FCHSD2: variants seen among roughly 807,000 people sequenced by gnomAD.
FCHSD2 encodes the protein F-BAR and double SH3 domains protein 2.
FCHSD2 carries 38 observed loss-of-function variants against 108.1 expected under a neutral mutation model. The observed-to-expected ratio is 0.35, with a 90% CI of 0.27 to 0.46. The LOEUF (loss-of-function observed/expected upper bound fraction) is 0.46. Ranked by LOEUF, FCHSD2 falls within the 20% of genes least tolerant of loss-of-function variation. The pLI is 1.00. For synonymous variants in FCHSD2, 279 were observed against 314.7 expected, an observed-to-expected ratio of 0.89 and a Z score of 1.20; for missense variants, 751 against 897.8, an observed-to-expected ratio of 0.84 and a Z score of 2.09.
intron 3 of FCHSD2, among the ~76,000 whole-genome samples, chr11:73,051,406 A>G (rs1186440767): frequency 6.6e-6 from 1 of 152,338 alleles, no homozygotes; most frequent in Non-Finnish European, 1.5e-5. Context: ...TAATCAGCCT[A>G]TAATTTATAA....
chr11:72,940,891 G>C, intron 8 of FCHSD2: 1 of 891,188 alleles, frequency 1.1e-6, no homozygotes, highest in Non-Finnish European at 1.9e-6. Flanking sequence ...ATTTTTTGAG[G>C]TTATCCTCAT....
At chr11:73,051,866 TAAACACACACACAC>T (rs1299364630) in intron 3 of FCHSD2, among the ~76,000 whole-genome samples, 3 of 102,846 alleles carry the variant, frequency 2.9e-5, no homozygotes, top group African/African-American at 4.1e-5. Flanking sequence ...ACACGGTATA[TAAACACACACACAC>T]ACACACACAC....
intron 3 of FCHSD2, among the ~76,000 whole-genome samples, chr11:73,043,033 G>T (rs545141367): frequency 1.4e-3 from 209 of 152,236 alleles, no homozygotes; most frequent in African/African-American, 4.8e-3. Context: ...TTCCTATTTA[G>T]ATGCCTTGAA....
At chr11:73,129,662 A>G (rs1331427973) in intron 2 of FCHSD2, among the ~76,000 whole-genome samples, 7 of 152,132 alleles carry the variant, frequency 4.6e-5, no homozygotes, top group African/African-American at 1.4e-4. Context: ...ATATATTACA[A>G]TGTAACAATA....
chr11:72,942,859 G>C (rs933918407), intron 8 of FCHSD2, among the ~76,000 whole-genome samples: 9 of 152,076 alleles, frequency 5.9e-5, no homozygotes, highest in African/African-American at 2.2e-4. Context: ...ATAGTTCGCA[G>C]CTTCAAACTC....
chr11:73,077,951 AG>A (rs1376653081), intron 3 of FCHSD2, among the ~76,000 whole-genome samples: 1 of 152,152 alleles, frequency 6.6e-6, no homozygotes, highest in Non-Finnish European at 1.5e-5. Flanking sequence ...AGATTCCTTG[AG>A]TAAGAGTGAG....
chr11:73,095,994 T>A (rs1860064345), intron 2 of FCHSD2, among the ~76,000 whole-genome samples: 1 of 148,684 alleles, frequency 6.7e-6, no homozygotes, highest in South Asian at 2.1e-4. Flanking sequence ...GCTACCAACA[T>A]CTAATATCCT....
At chr11:73,132,987 T>C (rs946083976) in intron 2 of FCHSD2, among the ~76,000 whole-genome samples, 1 of 152,172 alleles carries the variant, frequency 6.6e-6, no homozygotes, top group Non-Finnish European at 1.5e-5. Flanking sequence ...AAAGAAGATA[T>C]ACAAATGGCC....
At chr11:72,927,781 G>GGCT (rs1233867403) in intron 8 of FCHSD2, among the ~76,000 whole-genome samples, 4 of 152,178 alleles carry the variant, frequency 2.6e-5, no homozygotes, top group Non-Finnish European at 4.4e-5. Context: ...AGTGGCTGCA[G>GGCT]GCAGAGAAGC....
intron 3 of FCHSD2, among the ~76,000 whole-genome samples, chr11:73,076,517 G>T (rs1417974567): frequency 1.3e-5 from 2 of 152,090 alleles, no homozygotes; most frequent in Non-Finnish European, 2.9e-5. Flanking sequence ...TAAAGCTGAT[G>T]GTTACTTTGG....
At chr11:72,855,868 A>C (rs148884154) in intron 13 of FCHSD2, among the ~76,000 whole-genome samples, 254 of 152,308 alleles carry the variant, frequency 1.7e-3, no homozygotes, top group Middle Eastern at 3.4e-3. Flanking sequence ...GAAATGACTG[A>C]CTTGCTTTTT....
rs1856961147 is a variant in FCHSD2 at position 72,968,900 on chromosome 11, CA to C, written c.705+15187del. ...AAAGATATTTCTATAAATTGGTAAA[CA>C]AAACAAAAATAAAACCCAGTTATCC... On this transcript the variant is annotated intron_variant, in intron 8 of 19. Coordinates refer to ENST00000409418, the MANE Select transcript of FCHSD2 (RefSeq NM_014824.3). 2.6e-5 allele frequency among the ~76,000 whole-genome samples: 4 copies of C among 152,108 alleles called. No homozygotes were observed. In the South Asian group the frequency reaches 8.3e-4, roughly 31 times the overall value.
At chr11:73,134,100 T>TA (rs112539842) in intron 2 of FCHSD2, among the ~76,000 whole-genome samples, 3,433 of 145,000 alleles carry the variant, frequency 0.024, 120 homozygotes, top group African/African-American at 0.074. Context: ...AATAAAGCCT[T>TA]AAAAAAAAAA....
At chr11:73,116,020 A>G (rs1283341486) in intron 2 of FCHSD2, among the ~76,000 whole-genome samples, 2 of 152,184 alleles carry the variant, frequency 1.3e-5, no homozygotes, top group Admixed American at 1.3e-4. Flanking sequence ...TAATGAGAAG[A>G]CTCTTAAAAC....
At chr11:73,064,204 T>C (rs1470083691) in intron 3 of FCHSD2, among the ~76,000 whole-genome samples, 1 of 151,830 alleles carries the variant, frequency 6.6e-6, no homozygotes, top group Non-Finnish European at 1.5e-5. Flanking sequence ...TATAATGAAA[T>C]GAAGACAGAA....
intron 3 of FCHSD2, among the ~76,000 whole-genome samples, chr11:73,049,997 T>C (rs1326761708): frequency 6.6e-6 from 1 of 152,142 alleles, no homozygotes; most frequent in Non-Finnish European, 1.5e-5. Flanking sequence ...GAGAGTGAAA[T>C]ACTGTCACTG....
chr11:73,082,064 G>A (rs920164480), intron 3 of FCHSD2, among the ~76,000 whole-genome samples: 2 of 151,896 alleles, frequency 1.3e-5, no homozygotes, highest in African/African-American at 4.8e-5. Context: ...TCGGCTGGGC[G>A]CGGTGGCTCA....
chr11:72,954,033 T>A (rs1415079316), intron 8 of FCHSD2, among the ~76,000 whole-genome samples: 1 of 152,046 alleles, frequency 6.6e-6, no homozygotes, highest in African/African-American at 2.4e-5. Flanking sequence ...AGAAATGACA[T>A]AATCTGACTT....
intron 14 of FCHSD2, among the ~76,000 whole-genome samples, chr11:72,847,081 C>T (rs1396289796): frequency 6.6e-6 from 1 of 152,206 alleles, no homozygotes; most frequent in Non-Finnish European, 1.5e-5. Flanking sequence ...ACTGCAGCCT[C>T]GATCTCCTGG....
Sources: allele counts gnomAD v4.1 joint callset (sites outside exome capture counted in the v4.1 genomes callset), GRCh38; gene constraint gnomAD v4.1.1; transcripts MANE v1.5; gene names NCBI Gene and HGNC (gene_info 2026-07-23, HGNC 2026-07-21).